Variants in PDZD2 observed in about 807,000 individuals in gnomAD.
PDZD2 encodes the protein PDZ domain containing 2.
Under a neutral mutation model 220.7 loss-of-function variants are expected in PDZD2, and 90 were observed. The ratio of observed to expected loss-of-function variants is 0.41; its 90% CI spans 0.34 to 0.49. PDZD2 has a LOEUF of 0.49. PDZD2 is among the 20% of genes least tolerant of loss of function. The pLI is 0.28. For synonymous variants in PDZD2, 1,375 were observed against 1,450.5 expected, an observed-to-expected ratio of 0.95 and a Z score of 1.18; for missense variants, 3,174 against 3,608.5, an observed-to-expected ratio of 0.88 and a Z score of 3.08.
rs535137334 is a variant in PDZD2 at position 31,918,714 on chromosome 5, G to GCTCCTGAGGAGGGAAGTGCAGTTCC, written c.477-64432_477-64408dup. ...AAATAAAAAAGATGAAGGTTACAGT[G>GCTCCTGAGGAGGGAAGTGCAGTTCC]CTCCTGAGGAGGGAAGTGCAGTTCC... On this transcript the variant is annotated intron_variant, in intron 2 of 24. Coordinates refer to ENST00000438447, the MANE Select transcript of PDZD2 (RefSeq NM_178140.4). 6.2e-4 allele frequency among the ~76,000 whole-genome samples: 95 copies of GCTCCTGAGGAGGGAAGTGCAGTTCC among 152,254 alleles called. No homozygotes were observed. The South Asian group carries it at 7.3e-3, about 12-fold the overall frequency.
rs761204384 is a variant in PDZD2 at position 32,101,085 on chromosome 5, G to T, written c.8219-20G>T. On this transcript the variant is annotated intron_variant, in intron 23 of 24. Coordinates refer to ENST00000438447, the MANE Select transcript of PDZD2 (RefSeq NM_178140.4). ...TGAACAACCCTGTCATTTTCATCTT[G>T]GTGCACGCTGCGGCTGCAGGGAGAA... 32 of 1,613,942 alleles carry T rather than the reference G, an allele frequency of 2.0e-5. No homozygotes were observed. Among genetic ancestry groups the T allele is most frequent in the Non-Finnish European group, 2.5e-5 (30 of 1,179,970 alleles).
intron 6 of PDZD2, among the ~76,000 whole-genome samples, chr5:32,029,883 A>T (rs1453701277): frequency 6.6e-6 from 1 of 152,244 alleles, no homozygotes; most frequent in East Asian, 1.9e-4. Context: ...CAGGTTGATG[A>T]GGAAAAGATT....
At chr5:31,975,820 T>G (rs796220099) in intron 2 of PDZD2, among the ~76,000 whole-genome samples, 22 of 134,792 alleles carry the variant, frequency 1.6e-4, no homozygotes, top group African/African-American at 5.9e-4. Flanking sequence ...TTTTTTTTTT[T>G]TGAGACAAGG....
At chr5:31,698,968 G>A (rs1204656657) in intron 1 of PDZD2, among the ~76,000 whole-genome samples, 1 of 152,170 alleles carries the variant, frequency 6.6e-6, no homozygotes, top group Non-Finnish European at 1.5e-5. Context: ...CGTCAGCAGT[G>A]GAGAAGATCT....
chr5:31,869,432 G>GGCA (rs1159519402), intron 2 of PDZD2, among the ~76,000 whole-genome samples: 10 of 152,062 alleles, frequency 6.6e-5, no homozygotes, highest in South Asian at 4.2e-4. Context: ...GCGTGGTGGC[G>GGCA]GGCGCCTGTA....
intron 10 of PDZD2, among the ~76,000 whole-genome samples, chr5:32,055,174 C>T (rs1467123193): frequency 1.3e-5 from 2 of 152,100 alleles, no homozygotes; most frequent in Non-Finnish European, 2.9e-5. Flanking sequence ...GTTCTGAACA[C>T]ACACACAGGT....
At chr5:32,032,792 A>G (rs914914995) in intron 6 of PDZD2, among the ~76,000 whole-genome samples, 1 of 152,202 alleles carries the variant, frequency 6.6e-6, no homozygotes, top group Non-Finnish European at 1.5e-5. Flanking sequence ...TGACGTTCAA[A>G]GAGGTTGACT....
At chr5:31,860,887 CAGT>C (rs1737641076) in intron 2 of PDZD2, among the ~76,000 whole-genome samples, 1 of 152,160 alleles carries the variant, frequency 6.6e-6, no homozygotes, top group South Asian at 2.1e-4. Context: ...CTTTGGCCCT[CAGT>C]AGCAGCCCAT....
At chr5:32,031,858 C>T (rs955427950) in intron 6 of PDZD2, among the ~76,000 whole-genome samples, 1 of 152,040 alleles carries the variant, frequency 6.6e-6, no homozygotes, top group African/African-American at 2.4e-5. Flanking sequence ...TACGATTGTT[C>T]CTATTTCACA....
intron 2 of PDZD2, among the ~76,000 whole-genome samples, chr5:31,962,882 C>A (rs1182528218): frequency 6.6e-6 from 1 of 151,862 alleles, no homozygotes; most frequent in Non-Finnish European, 1.5e-5. Context: ...CACACTCTTC[C>A]CGGTGTGAAG....
chr5:31,893,539 C>T (rs1741254423), intron 2 of PDZD2, among the ~76,000 whole-genome samples: 1 of 152,136 alleles, frequency 6.6e-6, no homozygotes, highest in Admixed American at 6.6e-5. Context: ...CACTGCAGTC[C>T]AGCCTGGGTG....
intron 1 of PDZD2, among the ~76,000 whole-genome samples, chr5:31,785,424 T>A (rs1237607386): frequency 3.4e-5 from 5 of 147,732 alleles, no homozygotes; most frequent in African/African-American, 7.4e-5. Context: ...GTCATATATA[T>A]TATATATATA....
intron 1 of PDZD2, among the ~76,000 whole-genome samples, chr5:31,755,386 C>T (rs770171493): frequency 5.3e-5 from 8 of 152,234 alleles, no homozygotes; most frequent in Admixed American, 2.0e-4. Context: ...CCATTTTAAC[C>T]GGCATTTCGG....
intron 7 of PDZD2, among the ~76,000 whole-genome samples, chr5:32,039,147 C>A (rs946829991): frequency 6.6e-6 from 1 of 151,878 alleles, no homozygotes. Flanking sequence ...CCTCTCTTGC[C>A]GAGCCTGGAC....
At chr5:32,064,794 C>T (rs1229937108) in intron 14 of PDZD2, among the ~76,000 whole-genome samples, 2 of 150,120 alleles carry the variant, frequency 1.3e-5, no homozygotes, top group Non-Finnish European at 3.0e-5. Context: ...ATAGCAAAAC[C>T]ACGTCTCTAC....
chr5:31,822,743 C>T (rs1405770255), intron 2 of PDZD2: 3 of 1,185,400 alleles, frequency 2.5e-6, no homozygotes, highest in East Asian at 3.2e-5. Flanking sequence ...GAACAAGGAA[C>T]ACCTGGCCTC....
At chr5:32,042,737 G>A (rs181616552) in intron 7 of PDZD2, among the ~76,000 whole-genome samples, 37 of 152,282 alleles carry the variant, frequency 2.4e-4, no homozygotes, top group African/African-American at 7.5e-4. Context: ...GAAGGGAGCC[G>A]GTGACCAGCC....
At chr5:32,037,526 A>T (rs1426281977) in intron 7 of PDZD2, among the ~76,000 whole-genome samples, 184 bp downstream of exon 7, 2 of 151,886 alleles carry the variant, frequency 1.3e-5, no homozygotes, top group East Asian at 1.9e-4. Context: ...TGTGAATTTC[A>T]TTTTTTTTGA....
intron 1 of PDZD2, among the ~76,000 whole-genome samples, chr5:31,660,967 C>A (rs1301517566): frequency 6.6e-6 from 1 of 152,150 alleles, no homozygotes; most frequent in Non-Finnish European, 1.5e-5. Flanking sequence ...CTCCTGGCCT[C>A]AAATGATCAT....
Sources: allele counts gnomAD v4.1 joint callset (sites outside exome capture counted in the v4.1 genomes callset), GRCh38; gene constraint gnomAD v4.1.1; transcripts MANE v1.5; gene names NCBI Gene and HGNC (gene_info 2026-07-23, HGNC 2026-07-21).